SPICE1: variants seen among roughly 807,000 people sequenced by gnomAD.
SPICE1 encodes the protein spindle and centriole-associated protein 1.
In SPICE1, 75 loss-of-function variants were observed where a neutral mutation model predicts 102.7. That is an observed-to-expected ratio of 0.73 (90% CI 0.61 to 0.88). The LOEUF (loss-of-function observed/expected upper bound fraction) is 0.88. Ranked by LOEUF, SPICE1 falls within the 40% of genes least tolerant of loss-of-function variation. The pLI is 0.00. For missense variants in SPICE1, 979 were observed against 1,020.1 expected (o/e 0.96, Z 0.55); for synonymous variants, 308 against 350.3 (o/e 0.88, Z 1.35).
intron 1 of SPICE1, among the ~76,000 whole-genome samples, chr3:113,512,518 C>T (rs1459864488): frequency 6.6e-6 from 1 of 150,782 alleles, no homozygotes; most frequent in African/African-American, 2.4e-5. Context: ...AAGCGATTCT[C>T]CTCCCTCAGC....
At chr3:113,450,315 A>C in intron 15 of SPICE1, 21 bp downstream of exon 15, 1 of 1,613,510 alleles carries the variant, frequency 6.2e-7, no homozygotes, top group Non-Finnish European at 8.5e-7. Context: ...CTAGTTTTTA[A>C]ATCATGAATT....
intron 7 of SPICE1, among the ~76,000 whole-genome samples, chr3:113,477,103 C>A (rs1212128356): frequency 6.6e-6 from 1 of 151,996 alleles, no homozygotes; most frequent in East Asian, 1.9e-4. Flanking sequence ...AAACAAACAA[C>A]CCCATCAAAA....
chr3:113,461,694 T>C (rs1024021749), intron 11 of SPICE1, among the ~76,000 whole-genome samples: 1 of 152,158 alleles, frequency 6.6e-6, no homozygotes, highest in Admixed American at 6.5e-5. Context: ...TCTGTAATAA[T>C]AACAAAGTAA....
intron 3 of SPICE1, 41 bp downstream of exon 3, chr3:113,503,139 A>G (rs770752534): frequency 1.3e-6 from 2 of 1,585,918 alleles, no homozygotes; most frequent in Non-Finnish European, 1.7e-6. Flanking sequence ...ATACCAAATA[A>G]AACACTGAAT....
At chr3:113,465,866 A>AGATATT in intron 10 of SPICE1, 82 bp from the exon 11 acceptor site, 1 of 1,374,402 alleles carries the variant, frequency 7.3e-7, no homozygotes, top group East Asian at 2.3e-5. Context: ...CTGGCAAAGA[A>AGATATT]GATATTTACA....
At chr3:113,480,720 T>TA (rs929488442) in intron 7 of SPICE1, among the ~76,000 whole-genome samples, 11 of 150,622 alleles carry the variant, frequency 7.3e-5, no homozygotes, top group African/African-American at 1.7e-4. Flanking sequence ...TAGCATTGTT[T>TA]AAAAAAAAAT....
chr3:113,468,720 T>A, intron 9 of SPICE1, 42 bp downstream of exon 9: 2 of 1,584,148 alleles, frequency 1.3e-6, no homozygotes, highest in African/African-American at 2.7e-5. Flanking sequence ...CTGTATCAAG[T>A]TACATGTTTA....
intron 7 of SPICE1, among the ~76,000 whole-genome samples, chr3:113,485,508 G>T (rs1462135757): frequency 6.6e-6 from 1 of 152,126 alleles, no homozygotes; most frequent in Non-Finnish European, 1.5e-5. Flanking sequence ...CAGCAAAGCT[G>T]CTGCGGCCAG....
At chr3:113,478,070 TA>T (rs1487144851) in intron 7 of SPICE1, among the ~76,000 whole-genome samples, 3 of 150,992 alleles carry the variant, frequency 2.0e-5, no homozygotes, top group Non-Finnish European at 3.0e-5. Context: ...TATGCAAAGG[TA>T]ACCACCAGAA....
At chr3:113,472,278 G>A (rs542556647) in intron 7 of SPICE1, among the ~76,000 whole-genome samples, 111 of 152,350 alleles carry the variant, frequency 7.3e-4, no homozygotes, top group Admixed American at 2.7e-3. Context: ...CAAAGCAGCC[G>A]GGAAGTTCCA....
At chr3:113,514,796 C>A in intron 1 of SPICE1, 101 bp downstream of exon 1, 1 of 1,282,412 alleles carries the variant, frequency 7.8e-7, no homozygotes, top group Non-Finnish European at 1.0e-6. Context: ...CCCCCAATTA[C>A]CAGCTCTGTG....
chr3:113,460,495 CAA>C (rs1935906176), intron 12 of SPICE1, 120 bp downstream of exon 12: 2 of 1,439,666 alleles, frequency 1.4e-6, no homozygotes, highest in South Asian at 3.4e-5. Context: ...GTAGTAGTGA[CAA>C]TACTGTACAT....
Position 113,460,719 on chromosome 3 carries a change from A to T in SPICE1, c.1333T>A (p.Ser445Thr), listed in dbSNP as rs776504270. 5 of 1,613,178 alleles carry T rather than the reference A, an allele frequency of 3.1e-6. No homozygotes were observed. The Middle Eastern group carries it at 4.9e-4, about 159-fold the overall frequency. The change falls in exon 12 of 18, where the codon TCA becomes ACA. Residue 445 changes from serine (S) to threonine (T), a missense_variant. Coordinates refer to ENST00000295872, the MANE Select transcript of SPICE1 (RefSeq NM_144718.4). ...CAGTTCTTAATAGCATGTGTGAGTGATATCAGTTGCTCATCTGTTGTGACC... is the reference window on the plus strand; with the variant it reads ...CAGTTCTTAATAGCATGTGTGAGTGTTATCAGTTGCTCATCTGTTGTGACC... ...YMVTTDEQLI[S>T]LTHAIKNCPV...
intron 11 of SPICE1, among the ~76,000 whole-genome samples, chr3:113,462,754 G>A (rs1032191990): frequency 6.6e-6 from 1 of 152,038 alleles, no homozygotes; most frequent in African/African-American, 2.4e-5. Context: ...AAGACACTAA[G>A]GGCACGCGAC....
At position 113,453,821 on chromosome 3, in the gene SPICE1, T is replaced by C. The variant is rs1209866915; in HGVS notation, c.1787A>G (p.Glu596Gly). The change falls in exon 14 of 18, where the codon GAG becomes GGG. Residue 596 changes from glutamate to glycine, a missense_variant. Coordinates refer to ENST00000295872, the MANE Select transcript of SPICE1 (RefSeq NM_144718.4). ...CCATCTCTGAGTGAAGAGACGATTC[T>C]CTTCACTTGAATTCTGAATGTCTGT... ...IDTDIQNSSE[E>G]NRLFTQRWRV... 4 of 1,614,082 alleles carry C rather than the reference T, an allele frequency of 2.5e-6. No individual in the cohort carries two copies. Among genetic ancestry groups the C allele is most frequent in the Non-Finnish European group, 2.5e-6 (3 of 1,180,040 alleles).
At chr3:113,470,248 A>C (rs1936164944) in intron 7 of SPICE1, among the ~76,000 whole-genome samples, 1 of 152,218 alleles carries the variant, frequency 6.6e-6, no homozygotes. Context: ...TGTTTTGAGA[A>C]GTTTTCAGCC....
intron 6 of SPICE1, among the ~76,000 whole-genome samples, chr3:113,492,848 G>A (rs1457089833): frequency 6.6e-6 from 1 of 152,226 alleles, no homozygotes; most frequent in Non-Finnish European, 1.5e-5. Context: ...CATAATGATC[G>A]ATGGTGGCAG....
chr3:113,496,117 T>C (rs1936879829), intron 4 of SPICE1, among the ~76,000 whole-genome samples: 1 of 151,274 alleles, frequency 6.6e-6, no homozygotes, highest in African/African-American at 2.4e-5. Context: ...TAGTTTATTT[T>C]ATGTGTGGCC....
chr3:113,494,748 A>C (rs1451974054), intron 4 of SPICE1, among the ~76,000 whole-genome samples: 1 of 152,216 alleles, frequency 6.6e-6, no homozygotes, highest in African/African-American at 2.4e-5. Context: ...TTAAAATAAA[A>C]GTTTTAATTA....
Sources: gnomAD v4.1 joint callset for allele counts (sites outside exome capture counted in the v4.1 genomes callset) on GRCh38, gnomAD v4.1.1 for gene constraint, MANE v1.5 for transcripts, NCBI Gene and HGNC (gene_info 2026-07-23, HGNC 2026-07-21) for gene names.